Variants in TRPM3 observed in about 807,000 individuals in gnomAD.
The protein encoded by TRPM3 is transient receptor potential cation channel subfamily M member 3.
A neutral mutation model predicts 181.2 loss-of-function variants in TRPM3; 77 were observed. The observed-to-expected ratio is 0.42, with a 90% confidence interval of 0.35 to 0.51. TRPM3 has a LOEUF of 0.51. Among genes scored for constraint, TRPM3 ranks in the 20% least tolerant of loss-of-function variants. The pLI is 0.01. For missense variants in TRPM3, 1,759 were observed against 2,196.7 expected, an observed-to-expected ratio of 0.80 and a Z score of 3.98; for synonymous variants, 745 against 796.4, an observed-to-expected ratio of 0.94 and a Z score of 1.09.
rs559831385 is a variant in TRPM3, at chr9:71,355,199, T to C, written c.183+91454A>G. On this transcript the variant is annotated intron_variant, in intron 1 of 24. Transcript: ENST00000357533. ...GAATTACATCCTCCAAAAAGATATGTCCAGGTCCTAACTCCTGGTATCTGT... is the reference window on the plus strand; with the variant it reads ...GAATTACATCCTCCAAAAAGATATGCCCAGGTCCTAACTCCTGGTATCTGT... 2.6e-5 allele frequency among the ~76,000 whole-genome samples: 4 copies of C among 152,338 alleles called. No homozygotes were observed. In the South Asian group the frequency reaches 8.3e-4, roughly 32 times the overall value.
At chr9:71,421,449 C>T (rs2093772269) in intron 1 of TRPM3, among the ~76,000 whole-genome samples, 1 of 151,900 alleles carries the variant, frequency 6.6e-6, no homozygotes, top group African/African-American at 2.4e-5. Flanking sequence ...AAAGGTGTCC[C>T]TCCTCCTTTC....
intron 1 of TRPM3, among the ~76,000 whole-genome samples, chr9:71,313,127 C>T (rs1401035016): frequency 2.0e-5 from 3 of 152,014 alleles, no homozygotes; most frequent in South Asian, 2.1e-4. Context: ...GGTTGATAGT[C>T]GGGGAGGCTG....
chr9:71,320,618 C>A (rs1272277055), intron 1 of TRPM3, among the ~76,000 whole-genome samples: 1 of 152,176 alleles, frequency 6.6e-6, no homozygotes, highest in Non-Finnish European at 1.5e-5. Context: ...TGTATAAATA[C>A]TGAAGTTCCT....
chr9:70,610,443 A>G (rs1258329670), intron 19 of TRPM3, among the ~76,000 whole-genome samples, 166 bp downstream of exon 19: 2 of 152,204 alleles, frequency 1.3e-5, no homozygotes, highest in East Asian at 1.9e-4. Flanking sequence ...AAGCTGCCTA[A>G]CAAACGCCAC....
intron 1 of TRPM3, among the ~76,000 whole-genome samples, chr9:71,132,361 A>C (rs2134465662): frequency 6.6e-6 from 1 of 152,332 alleles, no homozygotes; most frequent in South Asian, 2.1e-4. Context: ...TATTTTTAGA[A>C]GAAAATATTG....
intron 21 of TRPM3, among the ~76,000 whole-genome samples, chr9:70,597,732 G>A (rs1406010660): frequency 6.6e-6 from 1 of 152,144 alleles, no homozygotes; most frequent in Admixed American, 6.5e-5. Flanking sequence ...CGATAAGAAG[G>A]AGCATCATTC....
intron 1 of TRPM3, among the ~76,000 whole-genome samples, chr9:71,224,752 AC>A (rs1484819113): frequency 6.6e-6 from 1 of 152,064 alleles, no homozygotes; most frequent in Admixed American, 6.5e-5. Flanking sequence ...GAAAAATGCA[AC>A]TGGAGACAGA....
At chr9:71,327,530 G>A (rs1325947170) in intron 1 of TRPM3, among the ~76,000 whole-genome samples, 1 of 152,130 alleles carries the variant, frequency 6.6e-6, no homozygotes, top group Non-Finnish European at 1.5e-5. Flanking sequence ...CAAAATATGA[G>A]ATTAACCTAG....
At chr9:71,168,353 T>C (rs915064923) in intron 1 of TRPM3, among the ~76,000 whole-genome samples, 2 of 152,044 alleles carry the variant, frequency 1.3e-5, no homozygotes, top group Non-Finnish European at 1.5e-5. Flanking sequence ...CTGTTCTCTC[T>C]GAATCCAGCC....
At chr9:70,856,811 G>A (rs184299843) in intron 3 of TRPM3, among the ~76,000 whole-genome samples, 1 of 152,314 alleles carries the variant, frequency 6.6e-6, no homozygotes, top group African/African-American at 2.4e-5. Flanking sequence ...AGAGAATTAT[G>A]TGGGTGACTT....
At chr9:70,539,661 T>C (rs7862571) in intron 25 of TRPM3, among the ~76,000 whole-genome samples, 62,667 of 151,700 alleles carry the variant, frequency 0.41, 13,235 homozygotes, top group East Asian at 0.69. Flanking sequence ...AAATACAGCT[T>C]TTCCCTCTTT....
Position 70,557,689 on chromosome 9 carries a change from T to C in TRPM3, c.3224-4379A>G, listed in dbSNP as rs138714042. On this transcript the variant is annotated intron_variant, in intron 22 of 25. Coordinates refer to ENST00000677713, the MANE Select transcript of TRPM3 (RefSeq NM_001366145.2). ...GCACCCAAGATGGCACATGGGTGGA[T>C]GTTTAGGAAACGTAGGCTGGTGACT... Among the ~76,000 whole-genome samples, 963 of 152,292 alleles carry C rather than the reference T, an allele frequency of 6.3e-3. 5 individuals are homozygous for C. Among genetic ancestry groups the C allele is most frequent in the Non-Finnish European group, 7.5e-3 (513 of 68,024 alleles).
intron 1 of TRPM3, among the ~76,000 whole-genome samples, chr9:71,323,323 T>C (rs2089410810): frequency 6.6e-6 from 1 of 152,200 alleles, no homozygotes; most frequent in South Asian, 2.1e-4. Flanking sequence ...GTAACCACTA[T>C]TCTCTAAAGT....
At chr9:70,624,942 T>A (rs1589457211) in intron 14 of TRPM3, among the ~76,000 whole-genome samples, 1 of 152,280 alleles carries the variant, frequency 6.6e-6, no homozygotes, top group South Asian at 2.1e-4. Context: ...AGAATTCCCA[T>A]AGATAAAAGC....
intron 1 of TRPM3, among the ~76,000 whole-genome samples, chr9:71,413,125 A>G (rs1393318727): frequency 6.6e-6 from 1 of 152,150 alleles, no homozygotes; most frequent in Non-Finnish European, 1.5e-5. Flanking sequence ...GACGGATAGC[A>G]TCAGGAGAAA....
At chr9:71,395,670 A>C (rs2132982393) in intron 1 of TRPM3, among the ~76,000 whole-genome samples, 1 of 152,382 alleles carries the variant, frequency 6.6e-6, no homozygotes, top group African/African-American at 2.4e-5. Context: ...CTTTTGAAAG[A>C]TCAAAATGTT....
chr9:70,927,483 T>C (rs1183443453), intron 1 of TRPM3, among the ~76,000 whole-genome samples: 1 of 152,216 alleles, frequency 6.6e-6, no homozygotes, highest in Non-Finnish European at 1.5e-5. Context: ...TGTCCAAATC[T>C]TCCAATGTAA....
Position 70,963,015 on chromosome 9 carries a change from G to A in TRPM3, c.178-98504C>T, listed in dbSNP as rs148961696. 1.8e-3 allele frequency among the ~76,000 whole-genome samples: 270 copies of A among 152,224 alleles called. 1 individual carries two copies. Among genetic ancestry groups the A allele is most frequent in the African/African-American group, 6.3e-3 (261 of 41,546 alleles). On this transcript the variant is annotated intron_variant, in intron 1 of 25. Coordinates refer to ENST00000677713, the MANE Select transcript of TRPM3 (RefSeq NM_001366145.2). ...CAGTTGAGCCTGTTTCTAGATGAAT[G>A]GAGAAGAAAGAGCTGCTCCATAGGA... is the stretch of plus-strand genomic sequence containing the variant.
rs768671503 is a variant in TRPM3 at position 70,863,098 on chromosome 9, C to T, written c.272G>A (p.Arg91His). ...GAGGCCAACATGCTGGCCTATCAGA[C>T]GCCCACAGCAACACCTATAACAGAA... The part of the protein sequence containing the change: ...TKDPHRCCCG[R>H]LIGQHVGLTP... The change falls in exon 3 of 26, where the codon CGT becomes CAT. Residue 91 changes from arginine (R) to histidine (H), a missense_variant. By Grantham distance (29) the Arg-to-His change is conservative. This residue lies in a region of TRPM3 where 737 missense variants were observed against 957.4 expected (regional missense o/e 0.77). Transcript: ENST00000677713. 23 of 1,613,082 alleles carry T rather than the reference C, an allele frequency of 1.4e-5. No individual in the cohort carries two copies. The highest frequency in any genetic ancestry group is 6.7e-5 in the African/African-American group (5 of 74,834).
Sources: allele counts gnomAD v4.1 joint callset (sites outside exome capture counted in the v4.1 genomes callset), GRCh38; gene constraint gnomAD v4.1.1; regional missense constraint gnomAD v4.1.1; transcripts MANE v1.5; gene names NCBI Gene and HGNC (gene_info 2026-07-23, HGNC 2026-07-21).